KDM4B: variants seen among roughly 807,000 people sequenced by gnomAD.
KDM4B encodes the protein lysine demethylase 4B.
KDM4B carries 32 observed loss-of-function variants against 125.2 expected under a neutral mutation model. The observed-to-expected ratio is 0.26, with a 90% CI of 0.19 to 0.34. The LOEUF (loss-of-function observed/expected upper bound fraction) is 0.34, where lower values mean the gene tolerates loss of function less well. Among genes scored for constraint, KDM4B ranks in the 10% least tolerant of loss-of-function variants. The pLI, the probability that KDM4B is intolerant of heterozygous loss-of-function variation, is 1.00. For missense variants in KDM4B, 1,190 were observed against 1,577.7 expected (o/e 0.75, Z 4.16); for synonymous variants, 721 against 677.9 (o/e 1.06, Z -0.99).
At chr19:4,969,668 C>T (rs915124806) in intron 1 of KDM4B, among the ~76,000 whole-genome samples, 4 of 152,060 alleles carry the variant, frequency 2.6e-5, no homozygotes, top group Non-Finnish European at 5.9e-5. Context: ...GAAAAAGACC[C>T]CAGCCCCTGG....
Position 5,114,157 on chromosome 19 carries a change from C to T in KDM4B, c.1115+3339C>T. On this transcript the variant is annotated intron_variant, in intron 10 of 22. Transcript: ENST00000159111. This position sits in a 1 kb window ranked among gnomAD's most constrained non-coding sequence, Gnocchi z 5.8. ...AGCCCTCACAGTGCTCTCTGGCACCCACGCGACGCTCCTCCATGCAAACTC... is the reference window on the plus strand; with the variant it reads ...AGCCCTCACAGTGCTCTCTGGCACCTACGCGACGCTCCTCCATGCAAACTC... 7.8e-7 allele frequency: 1 copy of T among 1,289,572 alleles called. No homozygotes were observed. Among genetic ancestry groups the T allele is most frequent in the Middle Eastern group, 2.1e-4 (1 of 4,696 alleles). 79.9% of individuals were successfully genotyped at this position (1,289,572 alleles called of 1,614,324 possible).
chr19:5,104,847 C>T (rs1367558678), intron 9 of KDM4B, among the ~76,000 whole-genome samples: 2 of 152,208 alleles, frequency 1.3e-5, no homozygotes, highest in African/African-American at 4.8e-5. Context: ...AGCCTGACTC[C>T]AGGTCCCAAA....
At chr19:5,148,134 G>A (rs941244759) in intron 21 of KDM4B, among the ~76,000 whole-genome samples, 1 of 152,256 alleles carries the variant, frequency 6.6e-6, no homozygotes. Context: ...CGGGCAAGAC[G>A]TCACCACAGG....
intron 9 of KDM4B, among the ~76,000 whole-genome samples, chr19:5,106,246 CATT>C (rs1216968192): frequency 1.3e-5 from 2 of 152,114 alleles, no homozygotes; most frequent in African/African-American, 4.8e-5. Context: ...TGGTTAGAGT[CATT>C]GTGTGTGTGT....
intron 9 of KDM4B, among the ~76,000 whole-genome samples, chr19:5,103,822 T>C (rs1180172112): frequency 6.6e-6 from 1 of 152,182 alleles, no homozygotes; most frequent in Non-Finnish European, 1.5e-5. Context: ...TCTGTGAGGC[T>C]CGCTCCACAC....
intron 21 of KDM4B, among the ~76,000 whole-genome samples, chr19:5,148,155 C>T (rs952549392): frequency 6.6e-5 from 10 of 152,204 alleles, no homozygotes; most frequent in African/African-American, 1.4e-4. Context: ...GAGCCCGGGC[C>T]GAGGCGCACG....
intron 1 of KDM4B, among the ~76,000 whole-genome samples, chr19:4,979,647 C>G (rs1025290954): frequency 6.6e-6 from 1 of 152,234 alleles, no homozygotes; most frequent in African/African-American, 2.4e-5. Flanking sequence ...ATTCCTGTCA[C>G]CAGGGAGGGC....
intron 1 of KDM4B, among the ~76,000 whole-genome samples, chr19:5,002,398 TTCCTTTCTCTCTCCTTTCTCTC>T (rs150830709): frequency 3.3e-5 from 5 of 151,182 alleles, no homozygotes; most frequent in African/African-American, 1.2e-4. Flanking sequence ...CTCCTTTCCT[TTCCTTTCTCTCTCCTTTCTCTC>T]TCCTTTCTCT....
intron 6 of KDM4B, among the ~76,000 whole-genome samples, chr19:5,062,168 TCTC>T (rs1397926090): frequency 5.3e-5 from 8 of 152,178 alleles, no homozygotes; most frequent in African/African-American, 1.9e-4. Context: ...GTTGGTGACA[TCTC>T]CTCTCCCTCT....
chr19:4,974,318 T>C (rs1337170496), intron 1 of KDM4B, among the ~76,000 whole-genome samples: 2 of 148,244 alleles, frequency 1.3e-5, no homozygotes, highest in Admixed American at 6.7e-5. Context: ...AGGAGAATGG[T>C]GTGAACCCGA....
rs1288274232 is a variant in KDM4B at position 4,997,857 on chromosome 19, C to T, written c.-108-18400C>T. 1.3e-5 allele frequency among the ~76,000 whole-genome samples: 2 copies of T among 152,250 alleles called. No individual in the cohort carries two copies. Among genetic ancestry groups the T allele is most frequent in the African/African-American group, 4.8e-5 (2 of 41,478 alleles). ...TTGCTAGACCTGGCGGGCCCCAGGG[C>T]CAGGAGTGAGGGGCGGACGTGCCAC... On this transcript the variant is annotated intron_variant, in intron 1 of 22. Transcript: ENST00000159111. This position sits in a 1 kb window ranked among gnomAD's most constrained non-coding sequence, Gnocchi z 4.2.
chr19:4,987,705 G>A (rs7259454), intron 1 of KDM4B, among the ~76,000 whole-genome samples: 9,869 of 152,206 alleles, frequency 0.065, 965 homozygotes, highest in African/African-American at 0.2. Flanking sequence ...GATGATGGGC[G>A]TGAGCCACTG....
chr19:5,024,268 C>T (rs946997485), intron 2 of KDM4B, among the ~76,000 whole-genome samples: 4 of 152,084 alleles, frequency 2.6e-5, no homozygotes, highest in African/African-American at 7.2e-5. Flanking sequence ...GACAGGATGC[C>T]GGCCCAGCCC....
chr19:5,088,380 G>C (rs964154940), intron 9 of KDM4B, among the ~76,000 whole-genome samples: 4 of 152,270 alleles, frequency 2.6e-5, no homozygotes, highest in Admixed American at 2.6e-4. Flanking sequence ...CTCCCCCCGT[G>C]ATTCCTGGAC....
chr19:5,079,755 TG>T (rs2038229979), intron 8 of KDM4B, among the ~76,000 whole-genome samples: 1 of 152,246 alleles, frequency 6.6e-6, no homozygotes, highest in South Asian at 2.1e-4. Flanking sequence ...TTTCTAGAGA[TG>T]GGGTCTCACT....
At chr19:5,015,051 C>T (rs1243646822) in intron 1 of KDM4B, among the ~76,000 whole-genome samples, 1 of 151,342 alleles carries the variant, frequency 6.6e-6, no homozygotes, top group Non-Finnish European at 1.5e-5. Context: ...GCTCCTCTGC[C>T]CTGGAGGTTG....
In KDM4B at chr19:5,135,341, C is replaced by T; in HGVS notation, c.2088C>T (p.Ala696=). ...ICTLFYPYCQ[A]LQTEKEAPIA... ...TGAAGGTCGCCTCTCCCCTACAGGC[C>T]CTACAGACTGAGAAGGAGGCACCCA... The change falls in exon 15 of 23, where the codon GCC becomes GCT. Residue 696 remains alanine, a splice_region_variant and synonymous_variant. Transcript: ENST00000159111. 1 of 1,608,820 alleles carries T rather than the reference C, an allele frequency of 6.2e-7. No individual in the cohort carries two copies. Among genetic ancestry groups the T allele is most frequent in the Non-Finnish European group, 8.5e-7 (1 of 1,176,060 alleles).
Position 5,041,242 on chromosome 19 carries a change from G to C in KDM4B, c.423G>C (p.Leu141Phe), listed in dbSNP as rs2036805668. Residue 141 changes from leucine (L) to phenylalanine (F), a missense_variant, in exon 5 of 23, where the codon TTG becomes TTC. Leu to Phe is a conservative substitution (Grantham distance 22). This residue lies in a region of KDM4B where 139 missense variants were observed against 248.3 expected (regional missense o/e 0.56). Coordinates refer to ENST00000159111, the MANE Select transcript of KDM4B (RefSeq NM_015015.3). ...ACGGGGCTGACATCAGCGGCTCTTT[G>C]TATGATGACGTAAGTATGAGGCTCC... ...PIYGADISGS[L>F]YDDDVAQWNI... The C allele has an allele frequency of 6.2e-7, 1 of 1,611,018 alleles. No individual in the cohort carries two copies. Among genetic ancestry groups the C allele is most frequent in the Non-Finnish European group, 8.5e-7 (1 of 1,177,760 alleles).
chr19:5,058,658 G>A (rs1212629678), intron 6 of KDM4B, among the ~76,000 whole-genome samples: 1 of 152,240 alleles, frequency 6.6e-6, no homozygotes, highest in Non-Finnish European at 1.5e-5. Flanking sequence ...CTCACGTCGT[G>A]TGCTGAGTCC....
Sources: allele counts gnomAD v4.1 joint callset (sites outside exome capture counted in the v4.1 genomes callset), GRCh38; gene constraint gnomAD v4.1.1; regional missense constraint gnomAD v4.1.1; non-coding constraint Gnocchi (gnomAD v3.1); transcripts MANE v1.5; gene names NCBI Gene and HGNC (gene_info 2026-07-23, HGNC 2026-07-21).